The following CWC27 variants were observed in gnomAD, a reference collection of about 807,000 sequenced individuals.
CWC27 encodes CWC27 spliceosome associated cyclophilin.
A neutral mutation model predicts 63.6 loss-of-function variants in CWC27; 47 were observed. That is an observed-to-expected ratio of 0.74 (90% CI 0.58 to 0.94). CWC27 has a LOEUF of 0.94. Ranked by LOEUF, CWC27 falls within the 40% of genes least tolerant of loss-of-function variation. The probability of loss-of-function intolerance (pLI) is 0.00; values close to 1 mark genes in which losing one functional copy is unlikely to be tolerated. For synonymous variants in CWC27, 175 were observed against 179.8 expected (o/e 0.97, Z 0.22); for missense variants, 495 against 554.3 (o/e 0.89, Z 1.07).
At chr5:64,941,877 C>A (rs536818119) in intron 11 of CWC27, among the ~76,000 whole-genome samples, 2 of 151,856 alleles carry the variant, frequency 1.3e-5, no homozygotes, top group South Asian at 4.2e-4. Flanking sequence ...CATTTCTGAG[C>A]CTCAGTTTCC....
chr5:64,948,312 A>G (rs1273865465), intron 11 of CWC27, among the ~76,000 whole-genome samples: 1 of 152,024 alleles, frequency 6.6e-6, no homozygotes. Context: ...TTGTTTTATG[A>G]TATTTCAAAT....
chr5:64,813,583 G>A (rs751441717), intron 10 of CWC27, among the ~76,000 whole-genome samples: 1 of 152,142 alleles, frequency 6.6e-6, no homozygotes, highest in Non-Finnish European at 1.5e-5. Context: ...TTGAGAGTTA[G>A]AATCCATTGA....
chr5:64,897,407 A>G (rs551573914), intron 11 of CWC27, among the ~76,000 whole-genome samples: 1 of 152,210 alleles, frequency 6.6e-6, no homozygotes, highest in African/African-American at 2.4e-5. Context: ...ATGCAGCTAT[A>G]AAAAAGGATG....
At chr5:64,981,878 T>A (rs1311753489) in intron 13 of CWC27, among the ~76,000 whole-genome samples, 1 of 152,266 alleles carries the variant, frequency 6.6e-6, no homozygotes, top group Non-Finnish European at 1.5e-5. Context: ...TTCTTGGTTC[T>A]GAAAAATTCT....
At chr5:64,789,526 A>G (rs1561407610) in intron 7 of CWC27, among the ~76,000 whole-genome samples, 1 of 152,170 alleles carries the variant, frequency 6.6e-6, no homozygotes, top group Non-Finnish European at 1.5e-5. Flanking sequence ...ATAACCAATA[A>G]GTAGCTACAG....
intron 11 of CWC27, among the ~76,000 whole-genome samples, chr5:64,929,898 T>TA (rs1230408524): frequency 0.042 from 5,878 of 141,410 alleles, 385 homozygotes; most frequent in African/African-American, 0.14. Flanking sequence ...AGCAAGTGTT[T>TA]AAAAAAAAAA....
At chr5:64,808,808 C>G (rs908317834) in intron 10 of CWC27, among the ~76,000 whole-genome samples, 4 of 152,170 alleles carry the variant, frequency 2.6e-5, no homozygotes, top group Admixed American at 6.5e-5. Context: ...CCTAACCGCA[C>G]ATTAGGCTCA....
chr5:64,850,993 G>T (rs987660882), intron 10 of CWC27, among the ~76,000 whole-genome samples: 1 of 152,136 alleles, frequency 6.6e-6, no homozygotes, highest in African/African-American at 2.4e-5. Context: ...ACTGTATGAT[G>T]ATTCCTCAAA....
intron 10 of CWC27, among the ~76,000 whole-genome samples, chr5:64,828,080 C>T (rs1442348871): frequency 6.6e-6 from 1 of 151,962 alleles, no homozygotes; most frequent in African/African-American, 2.4e-5. Context: ...GGAATGTATC[C>T]CTCTTGGATA....
chr5:64,789,104 C>A (rs1359908990), intron 7 of CWC27, 84 bp downstream of exon 7: 4 of 831,968 alleles, frequency 4.8e-6, no homozygotes, highest in African/African-American at 1.8e-5. Flanking sequence ...CCTGCTATAT[C>A]TGGCACAGCA....
intron 7 of CWC27, among the ~76,000 whole-genome samples, chr5:64,797,447 A>G (rs929579567): frequency 6.6e-6 from 1 of 152,114 alleles, no homozygotes; most frequent in Non-Finnish European, 1.5e-5. Context: ...GAGGCCTAAC[A>G]ATTTGGCTTT....
intron 11 of CWC27, among the ~76,000 whole-genome samples, chr5:64,954,728 GCCACAAA>G (rs1418774077): frequency 7.1e-6 from 1 of 141,266 alleles, no homozygotes; most frequent in Non-Finnish European, 1.5e-5. Context: ...ATAGCCACAA[GCCACAAA>G]CCACAAGCCA....
intron 11 of CWC27, among the ~76,000 whole-genome samples, chr5:64,971,475 A>C (rs1057111895): frequency 1.3e-5 from 2 of 152,216 alleles, no homozygotes; most frequent in Non-Finnish European, 2.9e-5. Flanking sequence ...ACAATAGTGC[A>C]GTGTATAGTA....
chr5:64,974,428 G>C (rs1749187336), intron 12 of CWC27, among the ~76,000 whole-genome samples: 1 of 152,164 alleles, frequency 6.6e-6, no homozygotes, highest in African/African-American at 2.4e-5. Context: ...GGTGGCAAGA[G>C]AGAATGAGGA....
intron 11 of CWC27, among the ~76,000 whole-genome samples, chr5:64,918,868 C>T (rs1747940546): frequency 6.6e-6 from 1 of 152,126 alleles, no homozygotes; most frequent in African/African-American, 2.4e-5. Flanking sequence ...CCCACCTCCA[C>T]GTCCATCCCT....
intron 1 of CWC27, 78 bp downstream of exon 1, chr5:64,769,266 T>C (rs1743152156): frequency 7.7e-6 from 10 of 1,293,368 alleles, no homozygotes; most frequent in African/African-American, 1.5e-5. Flanking sequence ...GGGGAGTGGG[T>C]TTCAGGATCT....
intron 12 of CWC27, among the ~76,000 whole-genome samples, chr5:64,974,751 C>G (rs1207524952): frequency 6.6e-6 from 1 of 152,130 alleles, no homozygotes; most frequent in Non-Finnish European, 1.5e-5. Flanking sequence ...CACATACTAC[C>G]TGGAAGTATA....
chr5:64,926,241 A>G (rs1196039699), intron 11 of CWC27, among the ~76,000 whole-genome samples: 1 of 152,030 alleles, frequency 6.6e-6, no homozygotes, highest in Non-Finnish European at 1.5e-5. Flanking sequence ...CACATTATTT[A>G]TGAAATTTTA....
intron 12 of CWC27, chr5:64,972,537 GC>G (rs1215778639): frequency 4.3e-4 from 109 of 255,370 alleles, no homozygotes; most frequent in African/African-American, 2.8e-3. Flanking sequence ...TAAACAAACT[GC>G]CTTATATATA....
Sources: gnomAD v4.1 joint callset for allele counts (sites outside exome capture counted in the v4.1 genomes callset) on GRCh38, gnomAD v4.1.1 for gene constraint, MANE v1.5 for transcripts, NCBI Gene and HGNC (gene_info 2026-07-23, HGNC 2026-07-21) for gene names.